Variants in SLC18A2 observed in about 807,000 individuals in gnomAD.
SLC18A2 encodes the protein synaptic vesicular amine transporter.
Under a neutral mutation model 59.2 loss-of-function variants are expected in SLC18A2, and 33 were observed. The observed-to-expected ratio is 0.56, with a 90% CI of 0.42 to 0.75. SLC18A2 has a LOEUF of 0.75. Among genes scored for constraint, SLC18A2 ranks in the 30% least tolerant of loss-of-function variants. SLC18A2 has a pLI of 0.00. For synonymous variants in SLC18A2, 228 were observed against 253.5 expected, an observed-to-expected ratio of 0.90 and a Z score of 0.95; for missense variants, 569 against 668.6, an observed-to-expected ratio of 0.85 and a Z score of 1.64.
Position 117,249,487 on chromosome 10 carries a change from A to G in SLC18A2, c.465-3912A>G, listed in dbSNP as rs1589978362. Among the ~76,000 whole-genome samples, 4 of 152,370 alleles carry G rather than the reference A, an allele frequency of 2.6e-5. No individual in the cohort carries two copies. The East Asian group carries it at 7.7e-4, about 29-fold the overall frequency. On this transcript the variant is annotated intron_variant, in intron 3 of 15. Coordinates refer to ENST00000644641, the MANE Select transcript of SLC18A2 (RefSeq NM_003054.6). ...ATTGAAAATATCATTCCATTTACTG[A>G]CATTCATTTACTGCACACCTTTTAG...
intron 15 of SLC18A2, among the ~76,000 whole-genome samples, chr10:117,274,019 G>A (rs1455582879): frequency 2.0e-5 from 3 of 152,176 alleles, no homozygotes; most frequent in African/African-American, 7.2e-5. Context: ...AGTGTGTGGA[G>A]AGCAGATTTA....
chr10:117,266,616 G>A (rs1360939167), intron 10 of SLC18A2, 117 bp from the exon 11 acceptor site: 1 of 782,752 alleles, frequency 1.3e-6, no homozygotes, highest in Admixed American at 2.5e-5. Flanking sequence ...CTGGGGTGTG[G>A]GCCCCGGGGC....
chr10:117,270,235 A>G, intron 14 of SLC18A2, 45 bp downstream of exon 14: 1 of 1,613,594 alleles, frequency 6.2e-7, no homozygotes, highest in Non-Finnish European at 8.5e-7. Context: ...CTCAATACGT[A>G]ATGGATAACG....
chr10:117,257,706 G>C (rs1589981112), intron 9 of SLC18A2, 91 bp from the exon 10 acceptor site: 1 of 673,266 alleles, frequency 1.5e-6, no homozygotes. Context: ...AGAAGTTGCG[G>C]TTATCTGAGC....
At position 117,267,667 on chromosome 10, in the gene SLC18A2, T is replaced by G; in HGVS notation, c.1123-6T>G. On this transcript the variant is annotated splice_polypyrimidine_tract_variant and splice_region_variant and intron_variant, in intron 12 of 15. Transcript: ENST00000644641. Reference sequence around the variant, plus strand: ...ATTTTAGCATAATGTTTATTTCCTCTTACAGATTCCATTTGCAAAAAACAT... The same window carrying G: ...ATTTTAGCATAATGTTTATTTCCTCGTACAGATTCCATTTGCAAAAAACAT... 6.4e-7 allele frequency: 1 copy of G among 1,559,796 alleles called. No individual in the cohort carries two copies. Among genetic ancestry groups the G allele is most frequent in the Non-Finnish European group, 8.8e-7 (1 of 1,138,246 alleles).
chr10:117,248,334 G>C (rs56768785), intron 3 of SLC18A2, among the ~76,000 whole-genome samples: 167 of 152,184 alleles, frequency 1.1e-3, no homozygotes, highest in African/African-American at 3.5e-3. Flanking sequence ...AACAATTCTT[G>C]GGTTCATTTA....
intron 4 of SLC18A2, among the ~76,000 whole-genome samples, chr10:117,253,683 TA>T (rs1844190778): frequency 6.6e-6 from 1 of 152,008 alleles, no homozygotes; most frequent in Non-Finnish European, 1.5e-5. Flanking sequence ...CCGTCTCTAC[TA>T]AAAATACAAA....
chr10:117,241,559 C>G (rs1461146075), intron 1 of SLC18A2, 120 bp from the exon 2 acceptor site: 5 of 1,137,150 alleles, frequency 4.4e-6, no homozygotes, highest in Non-Finnish European at 5.8e-6. Flanking sequence ...CTGGGGCGCC[C>G]GGGGGTGTCC....
At chr10:117,256,470 C>A (rs924133841) in intron 9 of SLC18A2, among the ~76,000 whole-genome samples, 2 of 152,178 alleles carry the variant, frequency 1.3e-5, no homozygotes, top group Non-Finnish European at 2.9e-5. Flanking sequence ...GCACTAGACC[C>A]AGTTAGGGTT....
chr10:117,275,963 C>A (rs2255063), intron 15 of SLC18A2, among the ~76,000 whole-genome samples: 116,687 of 151,300 alleles, frequency 0.77, 45,589 homozygotes, highest in Non-Finnish European at 0.85. Context: ...GTTTTGCCTA[C>A]TAAGAAATCT....
intron 10 of SLC18A2, among the ~76,000 whole-genome samples, 155 bp from the exon 11 acceptor site, chr10:117,266,578 G>A (rs1374300988): frequency 1.3e-5 from 2 of 152,242 alleles, no homozygotes; most frequent in African/African-American, 2.4e-5. Flanking sequence ...GGTCCAGACC[G>A]GATCCGGCAG....
intron 15 of SLC18A2, among the ~76,000 whole-genome samples, chr10:117,276,613 C>CAAAAAAAAAAAA (rs1161850365): frequency 4.3e-5 from 2 of 46,712 alleles, no homozygotes; most frequent in Admixed American, 3.0e-4. Flanking sequence ...GACTTCATCT[C>CAAAAAAAAAAAA]AAAAAAAAAA....
rs751421309 is a variant in SLC18A2 at position 117,244,063 on chromosome 10, TCAGA to T, written c.218_221del (p.Asp73AlafsTer23). The T allele has an allele frequency of 1.2e-6, 2 of 1,614,168 alleles. No individual in the cohort carries two copies. Among genetic ancestry groups the T allele is most frequent in the South Asian group, 2.2e-5 (2 of 91,086 alleles). On this transcript the variant is annotated frameshift_variant, in exon 3 of 16. Transcript: ENST00000644641. LOFTEE classifies it high-confidence loss of function. The stretch of plus-strand genomic sequence containing the variant: ...CAGGCCAGTGCACACTGCCTCCATC[TCAGA>T]CAGCTTCCAGAGCATCTTCTCCTAT...
In SLC18A2 at chr10:117,254,091, G is replaced by C; in HGVS notation, c.567G>C (p.Arg189Ser). Residue 189 changes from arginine to serine, a missense_variant, in exon 5 of 16, where the codon AGG (arginine) becomes AGC (serine). Coordinates refer to ENST00000644641, the MANE Select transcript of SLC18A2 (RefSeq NM_003054.6). ...GCTATGCCTTCCTGCTGATTGCCAG[G>C]TCGCTGCAGGGCATCGGCTCGTCCT... The part of the protein sequence containing the change: ...SSSYAFLLIA[R>S]SLQGIGSSCS... 6.2e-7 allele frequency: 1 copy of C among 1,613,800 alleles called. No homozygotes were observed. The highest frequency in any genetic ancestry group is 8.5e-7 in the Non-Finnish European group (1 of 1,180,052).
intron 3 of SLC18A2, among the ~76,000 whole-genome samples, chr10:117,246,069 C>A (rs1844107901): frequency 6.6e-6 from 1 of 152,218 alleles, no homozygotes. Flanking sequence ...TCAGTAGTTG[C>A]AGGATTGTTT....
At chr10:117,267,451 C>G in intron 12 of SLC18A2, 1 of 455,242 alleles carries the variant, frequency 2.2e-6, no homozygotes, top group South Asian at 4.7e-5. Context: ...TCACATATGC[C>G]GGTGACAAGT....
chr10:117,255,172 A>C, intron 6 of SLC18A2, 105 bp from the exon 7 acceptor site: 1 of 1,114,662 alleles, frequency 9.0e-7, no homozygotes, highest in Non-Finnish European at 1.3e-6. Context: ...CCAAAGCCTT[A>C]TTGGAACAAA....
chr10:117,265,077 T>C (rs1286558993), intron 10 of SLC18A2, among the ~76,000 whole-genome samples: 1 of 152,234 alleles, frequency 6.6e-6, no homozygotes, highest in Non-Finnish European at 1.5e-5. Flanking sequence ...GTTTGCTCAA[T>C]CAGATTACAC....
intron 3 of SLC18A2, among the ~76,000 whole-genome samples, chr10:117,250,048 G>T (rs1377852144): frequency 1.3e-5 from 2 of 152,232 alleles, no homozygotes; most frequent in African/African-American, 4.8e-5. Flanking sequence ...TGGGGAAGCA[G>T]AAAGGGTTTG....
Sources: gnomAD v4.1 joint callset for allele counts (sites outside exome capture counted in the v4.1 genomes callset) on GRCh38, gnomAD v4.1.1 for gene constraint, MANE v1.5 for transcripts, NCBI Gene and HGNC (gene_info 2026-07-23, HGNC 2026-07-21) for gene names.